Variants in PAK5 observed in about 807,000 individuals in gnomAD.
PAK5 encodes the protein serine/threonine-protein kinase PAK 5.
A neutral mutation model predicts 65.9 loss-of-function variants in PAK5; 16 were observed. The observed-to-expected ratio is 0.24, with a 90% CI of 0.16 to 0.37. The LOEUF (loss-of-function observed/expected upper bound fraction) is 0.37. Among genes scored for constraint, PAK5 ranks in the 10% least tolerant of loss-of-function variants. The probability of loss-of-function intolerance (pLI) is 1.00; values close to 1 mark genes in which losing one functional copy is unlikely to be tolerated. For synonymous variants in PAK5, 371 were observed against 354.9 expected, an observed-to-expected ratio of 1.05 and a Z score of -0.51; for missense variants, 785 against 903.9, an observed-to-expected ratio of 0.87 and a Z score of 1.69.
rs778974166 is a variant in PAK5 at position 9,566,281 on chromosome 20, C to A, written c.1094G>T (p.Gly365Val). ...GTACTGGTGACTGCTTGAGGAATAG[C>A]CCGATTTGCTTTGACTTTGAGGTAG... ...AKLPQSQSKSGYSSSSHQYPS... is the reference protein window; with the variant it reads ...AKLPQSQSKSVYSSSSHQYPS... Residue 365 changes from glycine (G) to valine (V), a missense_variant, in exon 5 of 10, where the codon GGC (glycine) becomes GTC (valine). Physicochemically the swap from Gly to Val is moderately radical, Grantham distance 109. This residue lies in a region of PAK5 where 422 missense variants were observed against 413.3 expected (regional missense o/e 1.02). Coordinates refer to ENST00000353224, the MANE Select transcript of PAK5 (RefSeq NM_177990.4). The A allele has an allele frequency of 6.2e-7, 1 of 1,613,650 alleles. No homozygotes were observed. The highest frequency in any genetic ancestry group is 1.7e-5 in the Admixed American group (1 of 60,010).
chr20:9,603,979 T>G (rs1326470271), intron 3 of PAK5, among the ~76,000 whole-genome samples: 3 of 152,200 alleles, frequency 2.0e-5, no homozygotes. Flanking sequence ...ATTTTCAAAT[T>G]TAATCCGCTA....
At chr20:9,673,294 A>G (rs1245708891) in intron 2 of PAK5, among the ~76,000 whole-genome samples, 1 of 152,178 alleles carries the variant, frequency 6.6e-6, no homozygotes, top group Non-Finnish European at 1.5e-5. Context: ...TAAAAAAGAA[A>G]TGAATCTCTC....
At chr20:9,708,885 C>T (rs2123481661) in intron 2 of PAK5, among the ~76,000 whole-genome samples, 2 of 151,952 alleles carry the variant, frequency 1.3e-5, no homozygotes, top group Admixed American at 1.3e-4. Flanking sequence ...TGATTGTACC[C>T]CTCTTGATCA....
chr20:9,714,171 C>T (rs566452158), intron 1 of PAK5, among the ~76,000 whole-genome samples: 28 of 151,970 alleles, frequency 1.8e-4, no homozygotes, highest in East Asian at 7.7e-4. Context: ...TCCCAGAGCC[C>T]GGGTATTTTC....
chr20:9,752,010 G>A (rs1204341367), intron 1 of PAK5, among the ~76,000 whole-genome samples: 1 of 152,102 alleles, frequency 6.6e-6, no homozygotes, highest in Non-Finnish European at 1.5e-5. Flanking sequence ...TTGACTTTAT[G>A]AAGCACACAT....
intron 1 of PAK5, among the ~76,000 whole-genome samples, chr20:9,765,463 C>G (rs2048746525): frequency 1.3e-5 from 2 of 151,826 alleles, no homozygotes; most frequent in African/African-American, 4.8e-5. Flanking sequence ...TCTGGCAGAG[C>G]CAAATTCCAA....
At chr20:9,548,389 T>C (rs879706729) in intron 7 of PAK5, among the ~76,000 whole-genome samples, 42 of 152,030 alleles carry the variant, frequency 2.8e-4, no homozygotes, top group Non-Finnish European at 6.0e-4. Context: ...TAATTTATTA[T>C]TATTATACTT....
intron 1 of PAK5, among the ~76,000 whole-genome samples, chr20:9,827,937 T>A (rs1978396633): frequency 6.6e-6 from 1 of 152,242 alleles, no homozygotes; most frequent in Non-Finnish European, 1.5e-5. Context: ...GTTCAAGCGA[T>A]TCTCTTGCCT....
In PAK5 at chr20:9,806,787, C is replaced by A. The variant is rs73246946; in HGVS notation, c.-162+31975G>T. Among the ~76,000 whole-genome samples the A allele has an allele frequency of 5.0e-3, 760 of 152,182 alleles. 6 individuals carry two copies. Among genetic ancestry groups the A allele is most frequent in the African/African-American group, 0.016 (669 of 41,518 alleles). Reference sequence around the variant, plus strand: ...TATTCATATTATATTAATTTCCTATCGCTACTATAATAAATCACCACAAAC... The same window carrying A: ...TATTCATATTATATTAATTTCCTATAGCTACTATAATAAATCACCACAAAC... On this transcript the variant is annotated intron_variant, in intron 1 of 9. Transcript: ENST00000353224.
intron 1 of PAK5, among the ~76,000 whole-genome samples, chr20:9,825,218 C>T (rs1456127217): frequency 6.6e-6 from 1 of 152,124 alleles, no homozygotes; most frequent in Non-Finnish European, 1.5e-5. Context: ...AAATTGAGGT[C>T]TGAAAAGAAA....
intron 2 of PAK5, 122 bp from the exon 3 acceptor site, chr20:9,644,461 C>T: frequency 1.5e-6 from 1 of 646,750 alleles, no homozygotes; most frequent in South Asian, 1.9e-5. Flanking sequence ...ATCCCAGCTG[C>T]AAAAGATAAA....
chr20:9,700,676 A>G (rs1464555553), intron 2 of PAK5, among the ~76,000 whole-genome samples: 1 of 152,166 alleles, frequency 6.6e-6, no homozygotes, highest in Non-Finnish European at 1.5e-5. Flanking sequence ...AAAAGAAGCA[A>G]TCAAAAGCAA....
intron 1 of PAK5, among the ~76,000 whole-genome samples, chr20:9,795,187 G>A (rs2049091867): frequency 6.6e-6 from 1 of 152,042 alleles, no homozygotes; most frequent in Non-Finnish European, 1.5e-5. Flanking sequence ...AGAAAAGAAA[G>A]ATTGAGTATC....
At chr20:9,753,374 A>G (rs1306790083) in intron 1 of PAK5, among the ~76,000 whole-genome samples, 1 of 152,200 alleles carries the variant, frequency 6.6e-6, no homozygotes, top group Admixed American at 6.5e-5. Flanking sequence ...CTACTCGAGC[A>G]TATAGTATAA....
At chr20:9,779,851 TA>T (rs1189577964) in intron 1 of PAK5, among the ~76,000 whole-genome samples, 1 of 152,054 alleles carries the variant, frequency 6.6e-6, no homozygotes, top group Non-Finnish European at 1.5e-5. Flanking sequence ...AGATAATTGT[TA>T]CAATCATATG....
intron 2 of PAK5, among the ~76,000 whole-genome samples, chr20:9,653,405 G>A (rs936626422): frequency 6.6e-6 from 1 of 152,160 alleles, no homozygotes; most frequent in Non-Finnish European, 1.5e-5. Flanking sequence ...CTGTGTCTAT[G>A]CTTCCAAAGC....
At chr20:9,656,254 A>C (rs914540940) in intron 2 of PAK5, among the ~76,000 whole-genome samples, 7 of 152,098 alleles carry the variant, frequency 4.6e-5, no homozygotes, top group Admixed American at 1.3e-4. Context: ...GATGAGCAGT[A>C]ATATTTGTTG....
chr20:9,682,609 T>C (rs1365284422), intron 2 of PAK5, among the ~76,000 whole-genome samples: 2 of 152,154 alleles, frequency 1.3e-5, no homozygotes, highest in Non-Finnish European at 2.9e-5. Context: ...ACTTGAATAT[T>C]AGGACTACAA....
intron 1 of PAK5, among the ~76,000 whole-genome samples, chr20:9,829,692 A>G (rs1391668146): frequency 6.6e-6 from 1 of 152,210 alleles, no homozygotes; most frequent in Non-Finnish European, 1.5e-5. Context: ...TTGAGAGACA[A>G]GAGTACAAAA....
Sources: gnomAD v4.1 joint callset for allele counts (sites outside exome capture counted in the v4.1 genomes callset) on GRCh38, gnomAD v4.1.1 for gene constraint, gnomAD v4.1.1 regional missense constraint, MANE v1.5 for transcripts, NCBI Gene and HGNC (gene_info 2026-07-23, HGNC 2026-07-21) for gene names.